The following TMEM158 variants were observed in gnomAD, a reference collection of about 807,000 sequenced individuals.
TMEM158 encodes the protein transmembrane protein 158, also known as 40 kDa BINP-binding protein.
In TMEM158, 7 loss-of-function variants were observed where a neutral mutation model predicts 12.0. The observed-to-expected ratio is 0.59, with a 90% CI of 0.33 to 1.10. TMEM158 has a LOEUF of 1.10. Ranked by LOEUF, TMEM158 falls within the 50% of genes least tolerant of loss-of-function variation. The pLI is 0.03. For missense variants in TMEM158, 405 were observed against 454.7 expected (o/e 0.89, Z 0.99); for synonymous variants, 209 against 231.1 (o/e 0.90, Z 0.87).
rs1576164138 is a variant in TMEM158 at position 45,226,220 on chromosome 3, A to C, written c.-193T>G. On this transcript the variant is annotated 5_prime_UTR_variant, in exon 1 of 1. Transcript: ENST00000503771. Reference sequence around the variant, plus strand: ...GCTGGCTCGGCGCGGGGATCCCTCCAGACCCGGTTGCGTTTGGGGTTCCCC... The same window carrying C: ...GCTGGCTCGGCGCGGGGATCCCTCCCGACCCGGTTGCGTTTGGGGTTCCCC... 5.6e-6 allele frequency: 4 copies of C among 708,390 alleles called. No homozygotes were observed. In the South Asian group the frequency reaches 2.5e-4, roughly 45 times the overall value. 43.9% of individuals were successfully genotyped at this position (708,390 alleles called of 1,614,324 possible).
chr3:45,225,430 G>C lies in TMEM158; in HGVS notation c.598C>G (p.Leu200Val), dbSNP rs1311826493. 1 of 1,425,022 alleles carries C rather than the reference G, an allele frequency of 7.0e-7. No individual in the cohort carries two copies. Among genetic ancestry groups the C allele is most frequent in the Non-Finnish European group, 9.3e-7 (1 of 1,075,626 alleles). 88.3% of individuals were successfully genotyped at this position (1,425,022 alleles called of 1,614,324 possible). A position where few individuals can be genotyped will look rare whatever the true frequency, so the allele number is the denominator to read the frequency against. The change falls in exon 1 of 1, where the codon CTA becomes GTA. Residue 200 changes from leucine to valine, a missense_variant. Transcript: ENST00000503771. The surrounding 1 kb of genome is among the most constrained non-coding windows in gnomAD (Gnocchi z 5.7). The stretch of plus-strand genomic sequence containing the variant: ...TGCAGCTCCTCCAGGCTGAAGTCTA[G>C]GCAGCAGAAATGCAGCGGCTCGCCC... ...LQGEPLHFCCLDFSLEELQGE... is the reference protein window; with the variant it reads ...LQGEPLHFCCVDFSLEELQGE...
rs1576163476 is a variant in TMEM158 at position 45,225,193 on chromosome 3, C to A, written c.835G>T (p.Ala279Ser). The change falls in exon 1 of 1, where the codon GCA becomes TCA. Residue 279 changes from alanine (A) to serine (S), a missense_variant. Coordinates refer to ENST00000503771, the MANE Select transcript of TMEM158 (RefSeq NM_015444.3). The surrounding 1 kb of genome is among the most constrained non-coding windows in gnomAD (Gnocchi z 5.7). ...TPAAVPAGTT[A>S]AAAAAAAAAA... ...GCAGCGGCGGCGGCGGCGGCGGCTG[C>A]GGTGGTCCCTGCGGGCACTGCGGCG... The A allele has an allele frequency of 7.9e-7, 1 of 1,271,006 alleles. No homozygotes were observed. The highest frequency in any genetic ancestry group is 9.9e-7 in the Non-Finnish European group (1 of 1,011,528). The allele number at this position is 1,271,006 out of a possible 1,614,324, so 78.7% of individuals were successfully genotyped here. A position where few individuals can be genotyped will look rare whatever the true frequency, so the allele number is the denominator to read the frequency against.
rs1470890008 is a variant in TMEM158, at chr3:45,225,477, G to A, written c.551C>T (p.Pro184Leu). ...TALPAYPAAEPPGPLWLQGEP... is the reference protein window; with the variant it reads ...TALPAYPAAELPGPLWLQGEP... The stretch of plus-strand genomic sequence containing the variant: ...GCCCTGCAGCCACAGCGGCCCGGGC[G>A]GCTCGGCCGCGGGGTAGGCTGGCAG... The change falls in exon 1 of 1, where the codon CCG (proline) becomes CTG (leucine). Residue 184 changes from proline (P) to leucine (L), a missense_variant. Coordinates refer to ENST00000503771, the MANE Select transcript of TMEM158 (RefSeq NM_015444.3). This position sits in a 1 kb window ranked among gnomAD's most constrained non-coding sequence, Gnocchi z 5.7. The A allele has an allele frequency of 8.6e-6, 11 of 1,286,226 alleles. No individual in the cohort carries two copies. The highest frequency in any genetic ancestry group is 1.1e-5 in the Non-Finnish European group (11 of 998,666). The allele number at this position is 1,286,226 out of a possible 1,614,324, so 79.7% of individuals were successfully genotyped here. A position where few individuals can be genotyped will look rare whatever the true frequency, so the allele number is the denominator to read the frequency against.
Position 45,225,016 on chromosome 3 carries a change from GA to G in TMEM158, c.*108del. On this transcript the variant is annotated 3_prime_UTR_variant, in exon 1 of 1. Transcript: ENST00000503771. The surrounding 1 kb of genome is among the most constrained non-coding windows in gnomAD (Gnocchi z 5.7). ...GGGTCTCTCGGCGGCCCCATCTCGG[GA>G]AGAGGAACTAACGATAACTACAGCA... 1 of 1,194,430 alleles carries G rather than the reference GA, an allele frequency of 8.4e-7. No homozygotes were observed. Among genetic ancestry groups the G allele is most frequent in the Non-Finnish European group, 1.0e-6 (1 of 963,770 alleles). 74.0% of individuals were successfully genotyped at this position (1,194,430 alleles called of 1,614,324 possible).
rs1358490424 is a variant in TMEM158, at chr3:45,225,328, C to T, written c.700G>A (p.Val234Met). 2.6e-6 allele frequency: 4 copies of T among 1,520,648 alleles called. No homozygotes were observed. Among genetic ancestry groups the T allele is most frequent in the Non-Finnish European group, 2.7e-6 (3 of 1,131,554 alleles). 94.2% of individuals were successfully genotyped at this position (1,520,648 alleles called of 1,614,324 possible). ...ATGAGGGCGGCCACGCTCCACACCA[C>T]GATGACCAGGGTCATGAAGCAGGCC... ...LVACFMTLVI[V>M]VWSVAALIWP... The change falls in exon 1 of 1, where the codon GTG (valine) becomes ATG (methionine). Residue 234 changes from valine (V) to methionine (M), a missense_variant. By Grantham distance (21) the Val-to-Met change is conservative (BLOSUM62 1). Coordinates refer to ENST00000503771, the MANE Select transcript of TMEM158 (RefSeq NM_015444.3). The surrounding 1 kb of genome is among the most constrained non-coding windows in gnomAD (Gnocchi z 5.7).
chr3:45,226,013 G>A lies in TMEM158; in HGVS notation c.15C>T (p.Leu5=), dbSNP rs1371847497. MLPL[L]AALLAAACPL... is the part of the protein sequence containing the mutation. The stretch of plus-strand genomic sequence containing the variant: ...GGCAGGCGGCGGCCAGGAGCGCGGC[G>A]AGCAGGGGCAGCATGGCCTGCGGCG... Residue 5 remains leucine, a synonymous_variant, in exon 1 of 1, where the codon CTC becomes CTT. Coordinates refer to ENST00000503771, the MANE Select transcript of TMEM158 (RefSeq NM_015444.3). The A allele has an allele frequency of 7.7e-6, 8 of 1,034,530 alleles. No individual in the cohort carries two copies. The African/African-American group carries it at 8.7e-5, about 11-fold the overall frequency. The allele number at this position is 1,034,530 out of a possible 1,614,324, so 64.1% of individuals were successfully genotyped here.
At position 45,225,088 on chromosome 3, in the gene TMEM158, GCGGACACAGGA is replaced by G. The variant is rs1243587562; in HGVS notation, c.*26_*36del. 5 of 1,229,750 alleles carry G rather than the reference GCGGACACAGGA, an allele frequency of 4.1e-6. No homozygotes were observed. In the African/African-American group the frequency reaches 6.3e-5, roughly 15 times the overall value. 76.2% of individuals were successfully genotyped at this position (1,229,750 alleles called of 1,614,324 possible). On this transcript the variant is annotated 3_prime_UTR_variant, in exon 1 of 1. Coordinates refer to ENST00000503771, the MANE Select transcript of TMEM158 (RefSeq NM_015444.3). This position sits in a 1 kb window ranked among gnomAD's most constrained non-coding sequence, Gnocchi z 5.7. Reference sequence around the variant, plus strand: ...TCCGGCGGGAAAGGCACCCGCGCGCGCGGACACAGGACGGACACAGGGAGGAGCGGAGCGGG... The same window carrying G: ...TCCGGCGGGAAAGGCACCCGCGCGCGCGGACACAGGGAGGAGCGGAGCGGG...
Position 45,225,761 on chromosome 3 carries a change from G to C in TMEM158, c.267C>G (p.Arg89=), listed in dbSNP as rs1211681612. ...ACTGGAAGCCCCGCGGGCGGCCCCAGCGCACGAGCAGCGAGCTCAGCATCT... is the reference window on the plus strand; with the variant it reads ...ACTGGAAGCCCCGCGGGCGGCCCCACCGCACGAGCAGCGAGCTCAGCATCT... ...QRQMLSSLLV[R]WGRPRGFQCD... Residue 89 remains arginine (R), a synonymous_variant, in exon 1 of 1, where the codon CGC becomes CGG. Coordinates refer to ENST00000503771, the MANE Select transcript of TMEM158 (RefSeq NM_015444.3). This position sits in a 1 kb window ranked among gnomAD's most constrained non-coding sequence, Gnocchi z 5.7. The C allele has an allele frequency of 7.7e-6, 11 of 1,431,938 alleles. No homozygotes were observed. The highest frequency in any genetic ancestry group is 6.6e-5 in the South Asian group (5 of 75,670). The allele number at this position is 1,431,938 out of a possible 1,614,324, so 88.7% of individuals were successfully genotyped here.
In TMEM158 at chr3:45,225,449, C is replaced by A. The variant is rs1700147430; in HGVS notation, c.579G>T (p.Glu193Asp). The change falls in exon 1 of 1, where the codon GAG becomes GAT. Residue 193 changes from glutamate to aspartate, a missense_variant. Physicochemically the swap from Glu to Asp is conservative, Grantham distance 45. Transcript: ENST00000503771. The surrounding 1 kb of genome is among the most constrained non-coding windows in gnomAD (Gnocchi z 5.7). ...AGTCTAGGCAGCAGAAATGCAGCGG[C>A]TCGCCCTGCAGCCACAGCGGCCCGG... The part of the protein sequence containing the change: ...EPPGPLWLQG[E>D]PLHFCCLDFS... 1.2e-5 allele frequency: 17 copies of A among 1,380,810 alleles called. No homozygotes were observed. Among genetic ancestry groups the A allele is most frequent in the Non-Finnish European group, 1.5e-5 (16 of 1,049,750 alleles). The allele number at this position is 1,380,810 out of a possible 1,614,324, so 85.5% of individuals were successfully genotyped here. A position where few individuals can be genotyped will look rare whatever the true frequency, so the allele number is the denominator to read the frequency against.
At position 45,226,075 on chromosome 3, in the gene TMEM158, G is replaced by A. The variant is rs1700157034; in HGVS notation, c.-48C>T. 7 of 982,672 alleles carry A rather than the reference G, an allele frequency of 7.1e-6. No homozygotes were observed. The South Asian group carries it at 2.7e-4, about 38-fold the overall frequency. 60.9% of individuals were successfully genotyped at this position (982,672 alleles called of 1,614,324 possible). A position where few individuals can be genotyped will look rare whatever the true frequency, so the allele number is the denominator to read the frequency against. On this transcript the variant is annotated 5_prime_UTR_variant, in exon 1 of 1. Transcript: ENST00000503771. ...GCGCGAGGCCGGCGGCGGTTGCATG[G>A]CGAGCGGGCGACGGGCCGGCGAGCT... is the stretch of plus-strand genomic sequence containing the variant.
chr3:45,225,368 A>G lies in TMEM158; in HGVS notation c.660T>C (p.Ile220=). Residue 220 remains isoleucine, a synonymous_variant, in exon 1 of 1, where the codon ATT becomes ATC. Coordinates refer to ENST00000503771, the MANE Select transcript of TMEM158 (RefSeq NM_015444.3). The surrounding 1 kb of genome is among the most constrained non-coding windows in gnomAD (Gnocchi z 5.7). ...TGAAGCAGGCCACCAGCGTGGACTC[A>G]ATGGGCTTACGGTTCAGCCGCCAGC... ...EPGWRLNRKP[I]ESTLVACFMT... 1 of 1,524,042 alleles carries G rather than the reference A, an allele frequency of 6.6e-7. No individual in the cohort carries two copies. The highest frequency in any genetic ancestry group is 8.8e-7 in the Non-Finnish European group (1 of 1,133,142). 94.4% of individuals were successfully genotyped at this position (1,524,042 alleles called of 1,614,324 possible). A position where few individuals can be genotyped will look rare whatever the true frequency, so the allele number is the denominator to read the frequency against.
At position 45,225,110 on chromosome 3, in the gene TMEM158, GA is replaced by G. The variant is rs1457231686; in HGVS notation, c.*14del. 4.8e-6 allele frequency: 6 copies of G among 1,248,826 alleles called. No homozygotes were observed. The African/African-American group carries it at 9.4e-5, about 19-fold the overall frequency. 77.4% of individuals were successfully genotyped at this position (1,248,826 alleles called of 1,614,324 possible). On this transcript the variant is annotated 3_prime_UTR_variant, in exon 1 of 1. Coordinates refer to ENST00000503771, the MANE Select transcript of TMEM158 (RefSeq NM_015444.3). This position sits in a 1 kb window ranked among gnomAD's most constrained non-coding sequence, Gnocchi z 5.7. ...CGCGCGGACACAGGACGGACACAGG[GA>G]GGAGCGGAGCGGGTCACTTGGTCGC...
In TMEM158 at chr3:45,225,255, T is replaced by G; in HGVS notation, c.773A>C (p.Gln258Pro). 7.1e-7 allele frequency: 1 copy of G among 1,400,986 alleles called. No individual in the cohort carries two copies. Among genetic ancestry groups the G allele is most frequent in the Non-Finnish European group, 9.4e-7 (1 of 1,063,100 alleles). The allele number at this position is 1,400,986 out of a possible 1,614,324, so 86.8% of individuals were successfully genotyped here. A position where few individuals can be genotyped will look rare whatever the true frequency, so the allele number is the denominator to read the frequency against. The change falls in exon 1 of 1, where the codon CAG becomes CCG. Residue 258 changes from glutamine to proline, a missense_variant. By Grantham distance (76) the Gln-to-Pro change is moderately conservative. Transcript: ENST00000503771. This position sits in a 1 kb window ranked among gnomAD's most constrained non-coding sequence, Gnocchi z 5.7. ...GGTGGTGCTGGCGGTGGTCCGGCGC[T>G]GTTCCATGCCGTTGGGCAGGAAGCC... ...IAGFLPNGME[Q>P]RRTTASTTAA...
At position 45,225,824 on chromosome 3, in the gene TMEM158, C is replaced by T; in HGVS notation, c.204G>A (p.Ala68=). 2 of 1,294,484 alleles carry T rather than the reference C, an allele frequency of 1.5e-6. No homozygotes were observed. The highest frequency in any genetic ancestry group is 2.1e-5 in the South Asian group (1 of 46,856). 80.2% of individuals were successfully genotyped at this position (1,294,484 alleles called of 1,614,324 possible). The part of the protein sequence containing the change: ...PPERPGPEEA[A]AAAAPCNISV... The stretch of plus-strand genomic sequence containing the variant: ...TGATGTTGCACGGCGCCGCCGCCGC[C>T]GCCGCCTCCTCCGGGCCCGGGCGCT... The change falls in exon 1 of 1, where the codon GCG becomes GCA. Residue 68 remains alanine (A), a synonymous_variant. Coordinates refer to ENST00000503771, the MANE Select transcript of TMEM158 (RefSeq NM_015444.3). The surrounding 1 kb of genome is among the most constrained non-coding windows in gnomAD (Gnocchi z 5.7).
At position 45,225,790 on chromosome 3, in the gene TMEM158, GC is replaced by G; in HGVS notation, c.237del (p.Gln79HisfsTer5). On this transcript the variant is annotated frameshift_variant, in exon 1 of 1. Transcript: ENST00000503771. LOFTEE classifies it high-confidence loss of function. The surrounding 1 kb of genome is among the most constrained non-coding windows in gnomAD (Gnocchi z 5.7). Reference sequence around the variant, plus strand: ...ACGAGCAGCGAGCTCAGCATCTGCCGCTGCACGCTGATGTTGCACGGCGCCG... The same window carrying G: ...ACGAGCAGCGAGCTCAGCATCTGCCGTGCACGCTGATGTTGCACGGCGCCG... ...AAAAPCNISV[Q>X]RQMLSSLLVR... is the part of the protein sequence containing the mutation. 7.1e-7 allele frequency: 1 copy of G among 1,405,108 alleles called. No homozygotes were observed. Among genetic ancestry groups the G allele is most frequent in the Non-Finnish European group, 9.3e-7 (1 of 1,073,758 alleles). 87.0% of individuals were successfully genotyped at this position (1,405,108 alleles called of 1,614,324 possible).
chr3:45,225,908 G>C lies in TMEM158; in HGVS notation c.120C>G (p.Ser40=). The part of the protein sequence containing the change: ...GVPSNASVNA[S]SADEPIAPRL... Reference sequence around the variant, plus strand: ...GCGGGGCGATGGGCTCGTCCGCGGAGGACGCGTTGACTGAAGCATTGGAGG... The same window carrying C: ...GCGGGGCGATGGGCTCGTCCGCGGACGACGCGTTGACTGAAGCATTGGAGG... The change falls in exon 1 of 1, where the codon TCC becomes TCG. Residue 40 remains serine (S), a synonymous_variant. Transcript: ENST00000503771. This position sits in a 1 kb window ranked among gnomAD's most constrained non-coding sequence, Gnocchi z 5.7. 1 of 1,196,258 alleles carries C rather than the reference G, an allele frequency of 8.4e-7. No homozygotes were observed. Among genetic ancestry groups the C allele is most frequent in the Non-Finnish European group, 1.0e-6 (1 of 968,834 alleles). 74.1% of individuals were successfully genotyped at this position (1,196,258 alleles called of 1,614,324 possible).
At position 45,225,332 on chromosome 3, in the gene TMEM158, G is replaced by C. The variant is rs751659434; in HGVS notation, c.696C>G (p.Val232=). ...STLVACFMTL[V]IVVWSVAALI... is the part of the protein sequence containing the mutation. ...GGGCGGCCACGCTCCACACCACGAT[G>C]ACCAGGGTCATGAAGCAGGCCACCA... The change falls in exon 1 of 1, where the codon GTC becomes GTG. Residue 232 remains valine, a synonymous_variant. Transcript: ENST00000503771. The surrounding 1 kb of genome is among the most constrained non-coding windows in gnomAD (Gnocchi z 5.7). 23 of 1,524,214 alleles carry C rather than the reference G, an allele frequency of 1.5e-5. No individual in the cohort carries two copies. Among genetic ancestry groups the C allele is most frequent in the Non-Finnish European group, 2.0e-5 (23 of 1,133,598 alleles). 94.4% of individuals were successfully genotyped at this position (1,524,214 alleles called of 1,614,324 possible).
At position 45,225,494 on chromosome 3, in the gene TMEM158, G is replaced by A. The variant is rs771502940; in HGVS notation, c.534C>T (p.Ala178=). The A allele has an allele frequency of 8.3e-7, 1 of 1,203,276 alleles. No individual in the cohort carries two copies. Among genetic ancestry groups the A allele is most frequent in the Non-Finnish European group, 1.0e-6 (1 of 961,222 alleles). The allele number at this position is 1,203,276 out of a possible 1,614,324, so 74.5% of individuals were successfully genotyped here. A position where few individuals can be genotyped will look rare whatever the true frequency, so the allele number is the denominator to read the frequency against. Residue 178 remains alanine, a synonymous_variant, in exon 1 of 1, where the codon GCC becomes GCT. Coordinates refer to ENST00000503771, the MANE Select transcript of TMEM158 (RefSeq NM_015444.3). This position sits in a 1 kb window ranked among gnomAD's most constrained non-coding sequence, Gnocchi z 5.7. ...ATAGAPTALP[A]YPAAEPPGPL... Reference sequence around the variant, plus strand: ...GCCCGGGCGGCTCGGCCGCGGGGTAGGCTGGCAGCGCGGTGGGCGCCCCGG... The same window carrying A: ...GCCCGGGCGGCTCGGCCGCGGGGTAAGCTGGCAGCGCGGTGGGCGCCCCGG...
Position 45,225,091 on chromosome 3 carries a change from G to A in TMEM158, c.*34C>T. 6.5e-6 allele frequency: 8 copies of A among 1,231,592 alleles called. No individual in the cohort carries two copies. The highest frequency in any genetic ancestry group is 8.1e-6 in the Non-Finnish European group (8 of 988,794). 76.3% of individuals were successfully genotyped at this position (1,231,592 alleles called of 1,614,324 possible). A position where few individuals can be genotyped will look rare whatever the true frequency, so the allele number is the denominator to read the frequency against. ...GGCGGGAAAGGCACCCGCGCGCGCG[G>A]ACACAGGACGGACACAGGGAGGAGC... On this transcript the variant is annotated 3_prime_UTR_variant, in exon 1 of 1. Coordinates refer to ENST00000503771, the MANE Select transcript of TMEM158 (RefSeq NM_015444.3). This position sits in a 1 kb window ranked among gnomAD's most constrained non-coding sequence, Gnocchi z 5.7.
Sources: allele counts gnomAD v4.1 joint callset, GRCh38; gene constraint gnomAD v4.1.1; non-coding constraint Gnocchi (gnomAD v3.1); transcripts MANE v1.5; gene names NCBI Gene and HGNC (gene_info 2026-07-23, HGNC 2026-07-21).